The following ABI1 variants were observed in gnomAD, a reference collection of about 807,000 sequenced individuals.
ABI1 encodes the protein Abelson interactor 1.
Under a neutral mutation model 54.6 loss-of-function variants are expected in ABI1, and 14 were observed. The observed-to-expected ratio is 0.26, with a 90% confidence interval of 0.17 to 0.40. The LOEUF is 0.40. Among genes scored for constraint, ABI1 ranks in the 10% least tolerant of loss-of-function variants. The pLI is 1.00. For synonymous variants in ABI1, 194 were observed against 209.3 expected (o/e 0.93, Z 0.63); for missense variants, 443 against 598.3 (o/e 0.74, Z 2.71).
rs72629729 is a variant in ABI1 at position 26,802,076 on chromosome 10, C to T, written c.285+21062G>A. Among the ~76,000 whole-genome samples, 2,718 of 152,156 alleles carry T rather than the reference C, an allele frequency of 0.018. 190 individuals are homozygous for T. In the South Asian group the frequency reaches 0.19, roughly 11 times the overall value. ...AAAAGTTAGGTTAATAAGAACTAAA[C>T]GAAGAGTGGGCATTAGCTAGGTGAT... On this transcript the variant is annotated intron_variant, in intron 2 of 10. Transcript: ENST00000376140.
At chr10:26,757,217 T>C (rs1352258315) in intron 8 of ABI1, among the ~76,000 whole-genome samples, 1 of 152,136 alleles carries the variant, frequency 6.6e-6, no homozygotes, top group Non-Finnish European at 1.5e-5. Flanking sequence ...CTACTACTAC[T>C]ACTACTACAA....
At chr10:26,819,123 T>C (rs1001520294) in intron 2 of ABI1, among the ~76,000 whole-genome samples, 3 of 152,190 alleles carry the variant, frequency 2.0e-5, no homozygotes, top group African/African-American at 7.2e-5. Context: ...TATTAAAAAG[T>C]TTAAAGATGT....
At chr10:26,859,428 C>G (rs2051117771) in intron 1 of ABI1, among the ~76,000 whole-genome samples, 1 of 152,208 alleles carries the variant, frequency 6.6e-6, no homozygotes, top group African/African-American at 2.4e-5. Context: ...GGAGACATTT[C>G]TATAAACAAT....
intron 8 of ABI1, among the ~76,000 whole-genome samples, chr10:26,757,735 G>C (rs952799304): frequency 6.6e-6 from 1 of 152,110 alleles, no homozygotes; most frequent in South Asian, 2.1e-4. Flanking sequence ...CAATTCTTAG[G>C]AATTTTTGCT....
chr10:26,856,288 A>C (rs1340876383), intron 1 of ABI1, among the ~76,000 whole-genome samples: 1 of 151,744 alleles, frequency 6.6e-6, no homozygotes, highest in Non-Finnish European at 1.5e-5. Flanking sequence ...AAAAAAAAAA[A>C]AACCCATTCA....
chr10:26,855,852 T>A (rs983754695), intron 1 of ABI1, among the ~76,000 whole-genome samples: 1 of 150,836 alleles, frequency 6.6e-6, no homozygotes, highest in African/African-American at 2.4e-5. Context: ...GCACCTGTAA[T>A]CTCAACTACT....
At chr10:26,858,530 A>C in intron 1 of ABI1, among the ~76,000 whole-genome samples, 1 of 114,934 alleles carries the variant, frequency 8.7e-6, no homozygotes, top group African/African-American at 3.8e-5. Context: ...CCGCCCCCAC[A>C]AAAAAAGAAA....
At chr10:26,758,711 C>T (rs1998633) in intron 8 of ABI1, among the ~76,000 whole-genome samples, 10,402 of 152,252 alleles carry the variant, frequency 0.068, 396 homozygotes, top group East Asian at 0.14. Flanking sequence ...ACCATTACTA[C>T]GCTGTCTCAA....
intron 2 of ABI1, among the ~76,000 whole-genome samples, chr10:26,787,680 T>A (rs1842877582): frequency 6.6e-6 from 1 of 152,218 alleles, no homozygotes; most frequent in Non-Finnish European, 1.5e-5. Flanking sequence ...TTCTTTCTCA[T>A]ACTTGAATTT....
chr10:26,826,412 T>A (rs2048308277), intron 1 of ABI1, among the ~76,000 whole-genome samples: 1 of 152,190 alleles, frequency 6.6e-6, no homozygotes, highest in South Asian at 2.1e-4. Context: ...CAGGCTTGGT[T>A]GTTCTGGTTA....
chr10:26,768,800 A>T, intron 6 of ABI1, 52 bp downstream of exon 6: 1 of 1,534,852 alleles, frequency 6.5e-7, no homozygotes, highest in Non-Finnish European at 8.8e-7. Flanking sequence ...GTTTGTCGCC[A>T]GTCAGTTACA....
At chr10:26,808,828 G>C (rs1473270699) in intron 2 of ABI1, among the ~76,000 whole-genome samples, 1 of 152,072 alleles carries the variant, frequency 6.6e-6, no homozygotes, top group Non-Finnish European at 1.5e-5. Context: ...CAGAAGAAAG[G>C]GGGAGGGGAC....
intron 2 of ABI1, among the ~76,000 whole-genome samples, chr10:26,785,442 T>C (rs1842616948): frequency 1.3e-5 from 2 of 152,166 alleles, no homozygotes; most frequent in East Asian, 1.9e-4. Context: ...TCATCTCCAG[T>C]TGGGTGTGGT....
chr10:26,823,967 G>GA (rs56186771), intron 1 of ABI1, among the ~76,000 whole-genome samples: 120 of 137,926 alleles, frequency 8.7e-4, no homozygotes, highest in East Asian at 4.2e-3. Context: ...ATCTAAAAAT[G>GA]AAAAAAAAAA....
chr10:26,830,483 G>C (rs1288366596), intron 1 of ABI1, among the ~76,000 whole-genome samples: 2 of 151,890 alleles, frequency 1.3e-5, no homozygotes, highest in East Asian at 3.9e-4. Flanking sequence ...AGATAGGCCT[G>C]GTGGCTTATG....
chr10:26,833,575 C>T (rs1324730891), intron 1 of ABI1, among the ~76,000 whole-genome samples: 1 of 152,078 alleles, frequency 6.6e-6, no homozygotes, highest in African/African-American at 2.4e-5. Context: ...TAGAAAATAG[C>T]TCTATTAGTC....
intron 6 of ABI1, among the ~76,000 whole-genome samples, chr10:26,765,567 A>C (rs1839835921): frequency 6.6e-6 from 1 of 151,648 alleles, no homozygotes; most frequent in East Asian, 1.9e-4. Context: ...GCATCCCATG[A>C]ATACTGTATT....
chr10:26,760,473 A>G (rs1838981347), intron 7 of ABI1, among the ~76,000 whole-genome samples: 1 of 152,242 alleles, frequency 6.6e-6, no homozygotes, highest in Non-Finnish European at 1.5e-5. Flanking sequence ...GGCAGTCACC[A>G]ATTATTTGAA....
At chr10:26,817,563 G>A (rs917450286) in intron 2 of ABI1, among the ~76,000 whole-genome samples, 1 of 150,898 alleles carries the variant, frequency 6.6e-6, no homozygotes, top group Non-Finnish European at 1.5e-5. Flanking sequence ...CTTGCGGATG[G>A]AGAGTTAGTG....
Sources: gnomAD v4.1 joint callset for allele counts (sites outside exome capture counted in the v4.1 genomes callset) on GRCh38, gnomAD v4.1.1 for gene constraint, MANE v1.5 for transcripts, NCBI Gene and HGNC (gene_info 2026-07-23, HGNC 2026-07-21) for gene names.